The following ENPP3 variants were observed in gnomAD, a reference collection of about 807,000 sequenced individuals.
ENPP3 encodes the protein ectonucleotide pyrophosphatase/phosphodiesterase 3.
In ENPP3, 104 loss-of-function variants were observed where a neutral mutation model predicts 117.8. The observed-to-expected ratio is 0.88, with a 90% confidence interval of 0.75 to 1.04. ENPP3 has a LOEUF of 1.04. Among genes scored for constraint, ENPP3 ranks in the 50% least tolerant of loss-of-function variants. ENPP3 has a pLI of 0.00. For missense variants in ENPP3, 1,026 were observed against 1,051.9 expected, an observed-to-expected ratio of 0.98 and a Z score of 0.34; for synonymous variants, 380 against 349.9, an observed-to-expected ratio of 1.09 and a Z score of -0.96.
At chr6:131,697,452 G>A (rs1233672865) in intron 15 of ENPP3, among the ~76,000 whole-genome samples, 3 of 151,512 alleles carry the variant, frequency 2.0e-5, no homozygotes, top group Admixed American at 2.0e-4. Flanking sequence ...GGTGGTTTCA[G>A]AATGATTCAA....
Position 131,641,470 on chromosome 6 carries a change from C to T in ENPP3, c.94C>T (p.Leu32=). 1 of 1,611,124 alleles carries T rather than the reference C, an allele frequency of 6.2e-7. No individual in the cohort carries two copies. Among genetic ancestry groups the T allele is most frequent in the East Asian group, 2.2e-5 (1 of 44,854 alleles). Residue 32 remains leucine (L), a synonymous_variant, in exon 2 of 25, where the codon CTG becomes TTG. Coordinates refer to ENST00000357639, the MANE Select transcript of ENPP3 (RefSeq NM_005021.5). The part of the protein sequence containing the change: ...KIACIVLLAL[L]VIMSLGLGLG... ...TTTGCAATAGGTTCTTCTTGCTTTG[C>T]TGGTGATCATGTCACTTGGATTAGG... is the stretch of plus-strand genomic sequence containing the variant.
chr6:131,732,321 A>G (rs1053934916), intron 20 of ENPP3, among the ~76,000 whole-genome samples: 1 of 152,238 alleles, frequency 6.6e-6, no homozygotes, highest in Non-Finnish European at 1.5e-5. Flanking sequence ...ATAATATAGT[A>G]TTACCTTAAA....
At chr6:131,657,653 T>C (rs1393087845) in intron 5 of ENPP3, among the ~76,000 whole-genome samples, 2 of 152,210 alleles carry the variant, frequency 1.3e-5, no homozygotes, top group Non-Finnish European at 2.9e-5. Context: ...TGCATATAAA[T>C]GTAAGTACAA....
chr6:131,660,084 A>T (rs1017098970), intron 6 of ENPP3, among the ~76,000 whole-genome samples: 1 of 152,228 alleles, frequency 6.6e-6, no homozygotes, highest in African/African-American at 2.4e-5. Context: ...AGGCCTACCT[A>T]GGCAAAATAG....
intron 16 of ENPP3, 82 bp from the exon 17 acceptor site, chr6:131,720,210 G>A: frequency 2.5e-6 from 2 of 803,620 alleles, no homozygotes; most frequent in Non-Finnish European, 3.9e-6. Flanking sequence ...AGTAGTTACA[G>A]AAGGAAAATT....
chr6:131,740,334 T>G lies in ENPP3; in HGVS notation c.2411T>G (p.Leu804Arg), dbSNP rs994050886. 1.2e-6 allele frequency: 2 copies of G among 1,612,348 alleles called. No homozygotes were observed. Among genetic ancestry groups the G allele is most frequent in the Non-Finnish European group, 1.7e-6 (2 of 1,179,104 alleles). The change falls in exon 24 of 25, where the codon CTA (leucine) becomes CGA (arginine). Residue 804 changes from leucine (L) to arginine (R), a missense_variant. Leu to Arg is a moderately radical substitution (Grantham distance 102, BLOSUM62 -2). Coordinates refer to ENST00000357639, the MANE Select transcript of ENPP3 (RefSeq NM_005021.5). Reference sequence around the variant, plus strand: ...AACTGCCCTGGGTGGCTGGATGTCCTACCCTTTATCATCCCTCACCGACCT... The same window carrying G: ...AACTGCCCTGGGTGGCTGGATGTCCGACCCTTTATCATCCCTCACCGACCT... ...PENCPGWLDVLPFIIPHRPTN... is the reference protein window; with the variant it reads ...PENCPGWLDVRPFIIPHRPTN...
rs1486771712 is a variant in ENPP3, at chr6:131,652,898, A to G, written c.464+7A>G. The G allele has an allele frequency of 1.9e-6, 3 of 1,599,006 alleles. No homozygotes were observed. Among genetic ancestry groups the G allele is most frequent in the Non-Finnish European group, 2.6e-6 (3 of 1,166,568 alleles). On this transcript the variant is annotated splice_region_variant and intron_variant, in intron 5 of 24. Transcript: ENST00000357639. ...AGTCTCAGTGCCCAGAAGGGTGAGC[A>G]TGACTGATACAGGGATTTTTATCCT...
At chr6:131,647,581 T>C (rs2114303324) in intron 2 of ENPP3, among the ~76,000 whole-genome samples, 1 of 152,284 alleles carries the variant, frequency 6.6e-6, no homozygotes, top group East Asian at 1.9e-4. Flanking sequence ...GTATTCATCA[T>C]CCCACTCTAT....
intron 14 of ENPP3, among the ~76,000 whole-genome samples, chr6:131,689,606 T>C (rs1562453862): frequency 2.0e-5 from 3 of 152,212 alleles, no homozygotes; most frequent in Admixed American, 2.0e-4. Context: ...GATGAAGATG[T>C]ACAAGGAGAT....
chr6:131,747,157 A>T lies in ENPP3; in HGVS notation c.*201A>T. 1 of 375,400 alleles carries T rather than the reference A, an allele frequency of 2.7e-6. No homozygotes were observed. Among genetic ancestry groups the T allele is most frequent in the Non-Finnish European group, 4.7e-6 (1 of 214,824 alleles). 23.3% of individuals were successfully genotyped at this position (375,400 alleles called of 1,614,324 possible). On this transcript the variant is annotated 3_prime_UTR_variant, in exon 25 of 25. Transcript: ENST00000357639. Reference sequence around the variant, plus strand: ...TTTTAAAGTTATATTTTTCACACAGAGATGATGCTATATTACACCTTCCCT... The same window carrying T: ...TTTTAAAGTTATATTTTTCACACAGTGATGATGCTATATTACACCTTCCCT...
At chr6:131,683,731 T>G (rs978197431) in intron 12 of ENPP3, among the ~76,000 whole-genome samples, 33 of 150,934 alleles carry the variant, frequency 2.2e-4, no homozygotes, top group Non-Finnish European at 7.4e-5. Context: ...TTGAAGTACA[T>G]ATGCACTCAC....
At chr6:131,701,947 A>G (rs1349585305) in intron 15 of ENPP3, among the ~76,000 whole-genome samples, 1 of 151,530 alleles carries the variant, frequency 6.6e-6, no homozygotes, top group Non-Finnish European at 1.5e-5. Flanking sequence ...TTTCTTTTTT[A>G]TTACGTTAAT....
intron 15 of ENPP3, among the ~76,000 whole-genome samples, chr6:131,702,028 A>G (rs1285232224): frequency 1.3e-5 from 2 of 152,144 alleles, no homozygotes; most frequent in Non-Finnish European, 2.9e-5. Flanking sequence ...CTTTTTTTAA[A>G]AAAAATTTGG....
At chr6:131,655,143 C>T (rs1778359333) in intron 5 of ENPP3, among the ~76,000 whole-genome samples, 1 of 152,166 alleles carries the variant, frequency 6.6e-6, no homozygotes, top group African/African-American at 2.4e-5. Flanking sequence ...TTTCTATAGT[C>T]ACTTGCTTTA....
chr6:131,680,053 G>A (rs1778991363), intron 11 of ENPP3, among the ~76,000 whole-genome samples: 1 of 152,182 alleles, frequency 6.6e-6, no homozygotes, highest in Admixed American at 6.5e-5. Context: ...AATAAAGGAG[G>A]TGACAGGACC....
intron 7 of ENPP3, among the ~76,000 whole-genome samples, chr6:131,671,783 A>G (rs1359513745): frequency 1.3e-5 from 2 of 152,214 alleles, no homozygotes; most frequent in African/African-American, 2.4e-5. Flanking sequence ...TAGATAAAGC[A>G]ATAAAAGCAA....
chr6:131,722,582 T>C (rs1780060157), intron 18 of ENPP3, among the ~76,000 whole-genome samples, 177 bp downstream of exon 18: 1 of 152,174 alleles, frequency 6.6e-6, no homozygotes, highest in South Asian at 2.1e-4. Context: ...AATGCATACA[T>C]TGTAAGATTA....
chr6:131,661,622 T>C (rs1354871453), intron 6 of ENPP3, among the ~76,000 whole-genome samples: 2 of 152,064 alleles, frequency 1.3e-5, no homozygotes, highest in Non-Finnish European at 2.9e-5. Context: ...TTTCTGATGA[T>C]TAGTGACATT....
At position 131,658,434 on chromosome 6, in the gene ENPP3, A is replaced by T. The variant is rs978260067; in HGVS notation, c.562+14A>T. 8.4e-6 allele frequency: 11 copies of T among 1,304,996 alleles called. No individual in the cohort carries two copies. The highest frequency in any genetic ancestry group is 6.8e-5 in the Admixed American group (4 of 58,998). The allele number at this position is 1,304,996 out of a possible 1,614,324, so 80.8% of individuals were successfully genotyped here. On this transcript the variant is annotated intron_variant, in intron 6 of 24. Transcript: ENST00000357639. ...TCAATAAACTGAGTAAGTCTTCTGT[A>T]ACTAGTGGCATGCAAATGATAAAGA...
Sources: allele counts gnomAD v4.1 joint callset (sites outside exome capture counted in the v4.1 genomes callset), GRCh38; gene constraint gnomAD v4.1.1; transcripts MANE v1.5; gene names NCBI Gene and HGNC (gene_info 2026-07-23, HGNC 2026-07-21).